The following NOMO1 variants were observed in gnomAD, a reference collection of about 807,000 sequenced individuals.
NOMO1 encodes NODAL modulator 1.
A neutral mutation model predicts 133.8 loss-of-function variants in NOMO1; 40 were observed. The ratio of observed to expected loss-of-function variants is 0.30; its 90% CI spans 0.23 to 0.39. The LOEUF (loss-of-function observed/expected upper bound fraction) is 0.39, where lower values mean the gene tolerates loss of function less well. Ranked by LOEUF, NOMO1 falls within the 10% of genes least tolerant of loss-of-function variation. The pLI is 1.00. For synonymous variants in NOMO1, 236 were observed against 570.5 expected, an observed-to-expected ratio of 0.41 and a Z score of 8.36; for missense variants, 462 against 1,419.9, an observed-to-expected ratio of 0.33 and a Z score of 10.84.
At chr16:14,839,754 T>G (rs1027079302) in intron 2 of NOMO1, among the ~76,000 whole-genome samples, 30 of 151,866 alleles carry the variant, frequency 2.0e-4, no homozygotes, top group Admixed American at 5.2e-4. Context: ...TTTTTCTTTT[T>G]TTTTTGAGAC....
intron 11 of NOMO1, among the ~76,000 whole-genome samples, chr16:14,860,547 C>T (rs2925567): frequency 5.7e-4 from 85 of 149,274 alleles, no homozygotes; most frequent in African/African-American, 6.9e-4. Context: ...TGGTAGTGGC[C>T]GGGCCCAGGC....
intron 12 of NOMO1, among the ~76,000 whole-genome samples, chr16:14,864,351 C>G (rs1299503696): frequency 6.6e-6 from 1 of 151,910 alleles, no homozygotes; most frequent in Non-Finnish European, 1.5e-5. Flanking sequence ...GCCAGATAGA[C>G]TTTTGTTCAT....
intron 18 of NOMO1, among the ~76,000 whole-genome samples, chr16:14,874,111 C>T (rs551203161): frequency 1.4e-5 from 2 of 147,048 alleles, no homozygotes; most frequent in South Asian, 4.5e-4. Context: ...GTCTGACCCC[C>T]CTCTGGGGTC....
chr16:14,849,520 A>G (rs1302526124), intron 6 of NOMO1, among the ~76,000 whole-genome samples: 2 of 101,076 alleles, frequency 2.0e-5, no homozygotes, highest in African/African-American at 7.8e-5. Flanking sequence ...ATGTAACTAC[A>G]TTTAAAAACA....
chr16:14,845,135 C>T (rs947467905), intron 4 of NOMO1, among the ~76,000 whole-genome samples: 4 of 151,870 alleles, frequency 2.6e-5, no homozygotes, highest in African/African-American at 7.3e-5. Context: ...GATTCTCCTG[C>T]CTCACCCTCC....
In NOMO1 at chr16:14,878,839, C is replaced by T. The variant is rs765507362; in HGVS notation, c.2757+5C>T. The T allele has an allele frequency of 1.1e-4, 174 of 1,609,684 alleles. 1 individual carries two copies. In the East Asian group the frequency reaches 3.5e-3, roughly 33 times the overall value. ...ATTCTGACATTCTCAAACCTGGTAA[C>T]GTGTTCTGCAATTTACCACCTGCCT... is the stretch of plus-strand genomic sequence containing the variant. On this transcript the variant is annotated splice_donor_5th_base_variant and intron_variant, in intron 23 of 30. Coordinates refer to ENST00000287667, the MANE Select transcript of NOMO1 (RefSeq NM_014287.4).
intron 9 of NOMO1, among the ~76,000 whole-genome samples, chr16:14,857,016 G>A (rs1421998143): frequency 1.3e-5 from 2 of 152,054 alleles, no homozygotes; most frequent in African/African-American, 4.8e-5. Flanking sequence ...ACTCAGCAGT[G>A]TGTTGGGAAC....
At position 14,876,465 on chromosome 16, in the gene NOMO1, G is replaced by A; in HGVS notation, c.2463G>A (p.Lys821=). The change falls in exon 21 of 31, where the codon AAG becomes AAA. Residue 821 remains lysine (K), a synonymous_variant. Coordinates refer to ENST00000287667, the MANE Select transcript of NOMO1 (RefSeq NM_014287.4). ...LEGVEIVISE[K]GASSPLITVF... ...GAGTCGAGATTGTCATCAGTGAAAA[G>A]GGGGCAAGTTCACCGCTGATCACAG... 5.6e-6 allele frequency: 9 copies of A among 1,611,478 alleles called. No homozygotes were observed. Among genetic ancestry groups the A allele is most frequent in the Middle Eastern group, 2.3e-4 (1 of 4,428 alleles).
Position 14,865,744 on chromosome 16 carries a change from C to T in NOMO1, c.1669+589C>T, listed in dbSNP as rs1444879913. On this transcript the variant is annotated intron_variant, in intron 14 of 30. Coordinates refer to ENST00000287667, the MANE Select transcript of NOMO1 (RefSeq NM_014287.4). ...TTGGGGCTGCTGGCAGTGGATAGCT[C>T]ATAAAACAGACTGCTTTTTCTGGAA... Among the ~76,000 whole-genome samples the T allele has an allele frequency of 2.1e-3, 276 of 128,932 alleles. 1 individual carries two copies. Among genetic ancestry groups the T allele is most frequent in the African/African-American group, 8.1e-3 (243 of 29,914 alleles). The allele number at this position is 128,932 out of a possible 152,430, so 84.6% of individuals were successfully genotyped here.
chr16:14,864,502 C>T lies in NOMO1; in HGVS notation c.1396-83C>T, dbSNP rs550351138. On this transcript the variant is annotated intron_variant, in intron 12 of 30. Transcript: ENST00000287667. ...TTCAAAATCTCTTTAGCCTTGGTCC[C>T]AGATGAATGTTCTAGCGCCCTGTAG... 1.3e-5 allele frequency: 21 copies of T among 1,575,332 alleles called. No individual in the cohort carries two copies. The African/African-American group carries it at 2.1e-4, about 15-fold the overall frequency.
At chr16:14,866,819 C>T in intron 15 of NOMO1, 128 bp downstream of exon 15, 1 of 1,593,434 alleles carries the variant, frequency 6.3e-7, no homozygotes, top group Non-Finnish European at 8.5e-7. Flanking sequence ...CTCCACTCGC[C>T]CACCTGTTAC....
intron 28 of NOMO1, chr16:14,888,476 G>A (rs1172692068): frequency 1.3e-5 from 2 of 155,174 alleles, no homozygotes; most frequent in Admixed American, 1.2e-4. Context: ...TGATGATCCC[G>A]ACCTTGCCAG....
At chr16:14,843,742 T>TGTGC (rs1214923978) in intron 3 of NOMO1, among the ~76,000 whole-genome samples, 1 of 140,734 alleles carries the variant, frequency 7.1e-6, no homozygotes. Flanking sequence ...TGTGTGTGTG[T>TGTGC]GCATGTACGC....
chr16:14,835,771 T>C (rs563362339), intron 1 of NOMO1, among the ~76,000 whole-genome samples: 3 of 152,078 alleles, frequency 2.0e-5, no homozygotes, highest in Admixed American at 1.3e-4. Context: ...TTCACGGTTA[T>C]TTCTTGATTG....
At chr16:14,889,505 T>A (rs1964376669) in intron 29 of NOMO1, among the ~76,000 whole-genome samples, 1 of 152,020 alleles carries the variant, frequency 6.6e-6, no homozygotes, top group Non-Finnish European at 1.5e-5. Flanking sequence ...GCACTCCAGC[T>A]TGGGTAACAG....
At chr16:14,889,693 C>T (rs1267982279) in intron 29 of NOMO1, among the ~76,000 whole-genome samples, 1 of 151,386 alleles carries the variant, frequency 6.6e-6, no homozygotes, top group African/African-American at 2.4e-5. Flanking sequence ...GGATTCTGGG[C>T]TTCCCCAGAT....
chr16:14,853,068 C>T (rs1338598812), intron 7 of NOMO1: 6 of 205,336 alleles, frequency 2.9e-5, no homozygotes, highest in Non-Finnish European at 4.6e-5. Flanking sequence ...CACATCTACA[C>T]TGGGAGGCAG....
At chr16:14,866,446 C>T (rs1963996076) in intron 14 of NOMO1, 109 bp from the exon 15 acceptor site, 16 of 1,601,750 alleles carry the variant, frequency 1.0e-5, no homozygotes, top group Admixed American at 1.7e-5. Context: ...TGTCTACATA[C>T]ACACCTGCTT....
Position 14,864,648 on chromosome 16 carries a change from A to G in NOMO1, c.1459A>G (p.Thr487Ala), listed in dbSNP as rs1963965674. 6 of 1,612,802 alleles carry G rather than the reference A, an allele frequency of 3.7e-6. No homozygotes were observed. Among genetic ancestry groups the G allele is most frequent in the Non-Finnish European group, 4.2e-6 (5 of 1,179,632 alleles). The change falls in exon 13 of 31, where the codon ACT becomes GCT. Residue 487 changes from threonine (T) to alanine (A), a missense_variant. Physicochemically the swap from Thr to Ala is moderately conservative, Grantham distance 58. Transcript: ENST00000287667. ...GTTGAAACCCCAGACATTTCCTCTT[A>G]CTGTGACCAACAGGCCCATGATGGA... is the stretch of plus-strand genomic sequence containing the variant. ...LTLKPQTFPL[T>A]VTNRPMMDVA...
Sources: allele counts gnomAD v4.1 joint callset (sites outside exome capture counted in the v4.1 genomes callset), GRCh38; gene constraint gnomAD v4.1.1; transcripts MANE v1.5; gene names NCBI Gene and HGNC (gene_info 2026-07-23, HGNC 2026-07-21).